SAMD5: variants seen among roughly 807,000 people sequenced by gnomAD.
The protein encoded by SAMD5 is sterile alpha motif domain-containing protein 5.
A neutral mutation model predicts 11.3 loss-of-function variants in SAMD5; 13 were observed. That is an observed-to-expected ratio of 1.15 (90% CI 0.75 to 1.83). SAMD5 has a LOEUF of 1.83. SAMD5 is among the 40% of genes most tolerant of loss of function. SAMD5 has a pLI of 0.00. For synonymous variants in SAMD5, 129 were observed against 111.3 expected, an observed-to-expected ratio of 1.16 and a Z score of -1.00; for missense variants, 255 against 239.1, an observed-to-expected ratio of 1.07 and a Z score of -0.44.
the SAMD5 span, among the ~76,000 whole-genome samples, chr6:147,923,087 C>A: frequency 1.3e-5 from 2 of 152,080 alleles, no homozygotes; most frequent in Admixed American, 1.3e-4. Context: ...TGCAAACAAA[C>A]CAATAGAGAA....
intron 1 of SAMD5, among the ~76,000 whole-genome samples, chr6:147,616,825 T>C (rs918025577): frequency 1.3e-5 from 2 of 152,326 alleles, no homozygotes; most frequent in East Asian, 3.9e-4. Context: ...GTCACACTTT[T>C]AAACCATCAG....
chr6:147,673,406 G>A (rs751580089), intron 1 of SAMD5, among the ~76,000 whole-genome samples: 3 of 151,974 alleles, frequency 2.0e-5, no homozygotes, highest in Non-Finnish European at 2.9e-5. Flanking sequence ...TTAGAGACGG[G>A]GTTTCACTGT....
the SAMD5 span, among the ~76,000 whole-genome samples, chr6:147,949,158 G>C: frequency 6.6e-6 from 1 of 152,284 alleles, no homozygotes; most frequent in South Asian, 2.1e-4. Flanking sequence ...AAGTTAGCCC[G>C]TGCTGAGAGT....
At chr6:147,643,024 A>C (rs1790336974) in intron 1 of SAMD5, among the ~76,000 whole-genome samples, 1 of 152,156 alleles carries the variant, frequency 6.6e-6, no homozygotes, top group African/African-American at 2.4e-5. Context: ...CAAACTCATC[A>C]CACTGTAATA....
At chr6:147,590,854 T>G (rs1789442038) in intron 1 of SAMD5, among the ~76,000 whole-genome samples, 1 of 152,250 alleles carries the variant, frequency 6.6e-6, no homozygotes, top group East Asian at 1.9e-4. Flanking sequence ...TCTGTTTTCC[T>G]GTAAGAAGTA....
chr6:147,830,551 C>T, the SAMD5 span, among the ~76,000 whole-genome samples: 3 of 152,118 alleles, frequency 2.0e-5, no homozygotes, highest in South Asian at 2.1e-4. Context: ...CCACCGCGCC[C>T]GGCCCCAGTA....
the SAMD5 span, among the ~76,000 whole-genome samples, chr6:147,802,129 G>C: frequency 4.2e-3 from 639 of 152,232 alleles, 5 homozygotes; most frequent in Middle Eastern, 0.01. Flanking sequence ...GTTACACACT[G>C]GGAGAAAAGG....
chr6:147,755,264 G>C, the SAMD5 span, among the ~76,000 whole-genome samples: 1 of 152,050 alleles, frequency 6.6e-6, no homozygotes, highest in African/African-American at 2.4e-5. Context: ...TCATTATAGA[G>C]ATCTTCCACT....
chr6:147,932,408 C>A, the SAMD5 span, among the ~76,000 whole-genome samples: 10 of 152,050 alleles, frequency 6.6e-5, no homozygotes, highest in Non-Finnish European at 1.5e-4. Context: ...TCAGATACCC[C>A]ACAAAGTGGT....
chr6:147,590,108 A>G (rs1315302280), intron 1 of SAMD5, among the ~76,000 whole-genome samples: 2 of 152,192 alleles, frequency 1.3e-5, no homozygotes, highest in Non-Finnish European at 1.5e-5. Flanking sequence ...CTTAAAGGGT[A>G]TATAAAGGCT....
chr6:147,935,662 T>C, the SAMD5 span, among the ~76,000 whole-genome samples: 1 of 152,154 alleles, frequency 6.6e-6, no homozygotes, highest in Admixed American at 6.5e-5. Flanking sequence ...GAAACTGTAT[T>C]TTAAAATGGA....
chr6:147,808,339 C>T, the SAMD5 span, among the ~76,000 whole-genome samples: 1 of 152,226 alleles, frequency 6.6e-6, no homozygotes, highest in Non-Finnish European at 1.5e-5. Flanking sequence ...GCTAGGACTA[C>T]AGATATATGC....
At chr6:147,829,767 C>T in the SAMD5 span, among the ~76,000 whole-genome samples, 1 of 152,018 alleles carries the variant, frequency 6.6e-6, no homozygotes, top group East Asian at 1.9e-4. Context: ...AGTTAATACT[C>T]AGAGCTGCAA....
intron 1 of SAMD5, among the ~76,000 whole-genome samples, chr6:147,720,564 G>GA (rs980406999): frequency 1.3e-5 from 2 of 152,028 alleles, no homozygotes; most frequent in South Asian, 4.2e-4. Flanking sequence ...CTTTCTCACA[G>GA]AAAAAATGAG....
At chr6:147,655,112 A>C (rs1790546529) in intron 1 of SAMD5, among the ~76,000 whole-genome samples, 1 of 152,062 alleles carries the variant, frequency 6.6e-6, no homozygotes, top group Non-Finnish European at 1.5e-5. Context: ...TTTCCTGAAG[A>C]ATATGTTGGT....
intron 1 of SAMD5, among the ~76,000 whole-genome samples, chr6:147,718,181 G>GTA (rs1324522714): frequency 2.0e-5 from 3 of 152,164 alleles, no homozygotes. Flanking sequence ...GGGCACCAGG[G>GTA]TATCGTTTAG....
the SAMD5 span, among the ~76,000 whole-genome samples, chr6:147,745,186 CTG>C: frequency 6.6e-6 from 1 of 152,000 alleles, no homozygotes; most frequent in East Asian, 1.9e-4. Flanking sequence ...ATCAAAATAA[CTG>C]TGTGTGCCTG....
At chr6:147,637,584 A>T (rs1401373713) in intron 1 of SAMD5, among the ~76,000 whole-genome samples, 3 of 152,196 alleles carry the variant, frequency 2.0e-5, no homozygotes, top group African/African-American at 7.2e-5. Flanking sequence ...GGCTAGGCAG[A>T]CCTGCAGTCT....
At chr6:147,823,158 G>A in the SAMD5 span, among the ~76,000 whole-genome samples, 1 of 152,060 alleles carries the variant, frequency 6.6e-6, no homozygotes, top group African/African-American at 2.4e-5. Context: ...TTCCTTGTGT[G>A]CTTGACTTAT....
Sources: allele counts gnomAD v4.1 joint callset (sites outside exome capture counted in the v4.1 genomes callset), GRCh38; gene constraint gnomAD v4.1.1; transcripts MANE v1.5; gene names NCBI Gene and HGNC (gene_info 2026-07-23, HGNC 2026-07-21).